Variants in OTOGL observed in about 807,000 individuals in gnomAD.
OTOGL encodes the protein otogelin like, also known as otogelin-like protein.
Under a neutral mutation model 318.5 loss-of-function variants are expected in OTOGL, and 285 were observed. The ratio of observed to expected loss-of-function variants is 0.89; its 90% CI spans 0.81 to 0.99. The LOEUF (loss-of-function observed/expected upper bound fraction) is 0.99. Among genes scored for constraint, OTOGL ranks in the 50% least tolerant of loss-of-function variants. The probability of loss-of-function intolerance (pLI) is 0.00; values close to 1 mark genes in which losing one functional copy is unlikely to be tolerated. For missense variants in OTOGL, 2,899 were observed against 2,845.6 expected, an observed-to-expected ratio of 1.02 and a Z score of -0.43; for synonymous variants, 987 against 936.5, an observed-to-expected ratio of 1.05 and a Z score of -0.99.
At chr12:80,345,591 A>G (rs1244434514) in intron 44 of OTOGL, among the ~76,000 whole-genome samples, 1 of 152,194 alleles carries the variant, frequency 6.6e-6, no homozygotes, top group Non-Finnish European at 1.5e-5. Context: ...CATCATGGAA[A>G]GAAAAGATAA....
chr12:80,336,680 G>C (rs998776585), intron 40 of OTOGL, 117 bp from the exon 41 acceptor site: 1 of 1,408,398 alleles, frequency 7.1e-7, no homozygotes, highest in Non-Finnish European at 9.7e-7. Context: ...TTCTGATAAT[G>C]TTTCAGAAAC....
At chr12:80,250,697 G>A (rs927947136) in intron 11 of OTOGL, among the ~76,000 whole-genome samples, 1 of 152,146 alleles carries the variant, frequency 6.6e-6, no homozygotes, top group Non-Finnish European at 1.5e-5. Context: ...CACAGGATAA[G>A]GGCAATTTGA....
chr12:80,276,475 C>T (rs1257833349), intron 24 of OTOGL, among the ~76,000 whole-genome samples: 2 of 151,692 alleles, frequency 1.3e-5, no homozygotes, highest in Non-Finnish European at 2.9e-5. Context: ...TAATGAAGTA[C>T]TTAACAGTTC....
chr12:80,104,957 G>A (rs958623817), intron 1 of OTOGL, among the ~76,000 whole-genome samples: 16 of 152,026 alleles, frequency 1.1e-4, no homozygotes, highest in Non-Finnish European at 2.1e-4. Flanking sequence ...TTAGCCAGAC[G>A]TGGTGGTGCA....
chr12:80,163,672 A>T (rs2137199103), intron 1 of OTOGL, among the ~76,000 whole-genome samples: 1 of 152,170 alleles, frequency 6.6e-6, no homozygotes, highest in South Asian at 2.1e-4. Context: ...CTCTCAGTTG[A>T]TCTAGGCTGG....
intron 7 of OTOGL, among the ~76,000 whole-genome samples, chr12:80,225,710 A>G (rs1480591140): frequency 6.6e-6 from 1 of 152,060 alleles, no homozygotes; most frequent in Admixed American, 6.6e-5. Flanking sequence ...AATGTTAAAT[A>G]TTCTTGATAC....
intron 26 of OTOGL, among the ~76,000 whole-genome samples, chr12:80,296,044 G>A (rs528812314): frequency 6.6e-6 from 1 of 152,268 alleles, no homozygotes; most frequent in East Asian, 1.9e-4. Flanking sequence ...AGGTGGAAGT[G>A]TGTCATTTAG....
At chr12:80,328,246 G>A (rs1887828177) in intron 35 of OTOGL, among the ~76,000 whole-genome samples, 1 of 151,996 alleles carries the variant, frequency 6.6e-6, no homozygotes, top group Non-Finnish European at 1.5e-5. Flanking sequence ...CTGGGTCCAG[G>A]AGGATGAGGC....
chr12:80,358,315 T>C lies in OTOGL; in HGVS notation c.6087T>C (p.Asn2029=). 1.9e-6 allele frequency: 3 copies of C among 1,608,764 alleles called. No homozygotes were observed. The highest frequency in any genetic ancestry group is 2.6e-6 in the Non-Finnish European group (3 of 1,176,078). ...GGGAATTTCTCACAGTAGATCTTAA[T>C]AGCACACACTTCTGTTGTCCTCAGT... ...HDGEFLTVDL[N]STHFCCPQYY... The change falls in exon 50 of 59, where the codon AAT becomes AAC. Residue 2029 remains asparagine (N), a synonymous_variant. Transcript: ENST00000547103.
chr12:80,155,057 C>T (rs1449723781), intron 1 of OTOGL, among the ~76,000 whole-genome samples: 1 of 152,064 alleles, frequency 6.6e-6, no homozygotes, highest in East Asian at 1.9e-4. Flanking sequence ...TTTTCATATG[C>T]TTATTTTCCA....
At chr12:80,318,861 T>A in intron 33 of OTOGL, 148 bp downstream of exon 33, 1 of 535,864 alleles carries the variant, frequency 1.9e-6, no homozygotes, top group South Asian at 1.0e-4. Flanking sequence ...CATTGGCATA[T>A]CAGCCAGCTT....
intron 9 of OTOGL, among the ~76,000 whole-genome samples, chr12:80,238,577 T>C (rs1410375546): frequency 2.6e-5 from 4 of 152,246 alleles, no homozygotes; most frequent in African/African-American, 9.6e-5. Flanking sequence ...GTGTACGTTG[T>C]ACTCACTCAC....
At chr12:80,347,675 C>T (rs1889282994) in intron 44 of OTOGL, among the ~76,000 whole-genome samples, 1 of 152,076 alleles carries the variant, frequency 6.6e-6, no homozygotes, top group African/African-American at 2.4e-5. Flanking sequence ...ATTTCTGGTT[C>T]TAGATCCTTG....
intron 1 of OTOGL, among the ~76,000 whole-genome samples, chr12:80,100,188 C>T (rs527553856): frequency 3.3e-5 from 5 of 152,222 alleles, no homozygotes; most frequent in African/African-American, 1.2e-4. Context: ...TCAGGACTTT[C>T]AGTTGCCCAA....
chr12:80,358,117 A>G, intron 49 of OTOGL, 131 bp from the exon 50 acceptor site: 2 of 666,388 alleles, frequency 3.0e-6, no homozygotes, highest in East Asian at 5.4e-5. Context: ...CAAATAAGGA[A>G]ATATACCTCA....
chr12:80,370,742 A>AT, intron 56 of OTOGL, 53 bp downstream of exon 56: 4 of 1,316,348 alleles, frequency 3.0e-6, no homozygotes, highest in East Asian at 2.7e-5. Context: ...TTTAGAAAAT[A>AT]CACATTGATA....
At position 80,182,290 on chromosome 12, in the gene OTOGL, G is replaced by A. The variant is rs183733786; in HGVS notation, c.-19-27123G>A. Among the ~76,000 whole-genome samples the A allele has an allele frequency of 7.5e-4, 114 of 152,214 alleles. 1 individual carries two copies. The highest frequency in any genetic ancestry group is 2.6e-3 in the African/African-American group (109 of 41,532). On this transcript the variant is annotated intron_variant, in intron 1 of 58. Coordinates refer to ENST00000547103, the MANE Select transcript of OTOGL (RefSeq NM_001378609.3). ...GAAATCTATAACAGAGGCTTGGTAC[G>A]ACTCAGCAAATGCAGCAGAAAGCAT...
chr12:80,207,626 G>A (rs1876912600), intron 1 of OTOGL, among the ~76,000 whole-genome samples: 1 of 152,134 alleles, frequency 6.6e-6, no homozygotes, highest in South Asian at 2.1e-4. Context: ...GGGAAACTGT[G>A]AAGGCAAGAG....
At chr12:80,253,332 A>G in intron 13 of OTOGL, 134 bp from the exon 14 acceptor site, 1 of 759,996 alleles carries the variant, frequency 1.3e-6, no homozygotes. Flanking sequence ...CAGTAATCCC[A>G]CTGAAAGTAA....
Sources: allele counts gnomAD v4.1 joint callset (sites outside exome capture counted in the v4.1 genomes callset), GRCh38; gene constraint gnomAD v4.1.1; transcripts MANE v1.5; gene names NCBI Gene and HGNC (gene_info 2026-07-23, HGNC 2026-07-21).